EYS: variants seen among roughly 807,000 people sequenced by gnomAD.
EYS encodes the protein protein eyes shut homolog.
EYS carries 250 observed loss-of-function variants against 282.1 expected under a neutral mutation model. The observed-to-expected ratio is 0.89, with a 90% CI of 0.80 to 0.98. EYS has a LOEUF of 0.98. Among genes scored for constraint, EYS ranks in the 50% least tolerant of loss-of-function variants. The pLI is 0.00. For missense variants in EYS, 4,016 were observed against 3,709.0 expected (o/e 1.08, Z -2.15); for synonymous variants, 1,355 against 1,282.9 (o/e 1.06, Z -1.20).
At chr6:64,496,373 G>GC (rs35320379) in intron 26 of EYS, among the ~76,000 whole-genome samples, 62,799 of 151,618 alleles carry the variant, frequency 0.41, 13,538 homozygotes, top group African/African-American at 0.56. Flanking sequence ...TTAGTTGTCT[G>GC]AAATGAATAG....
chr6:65,402,514 G>A lies in EYS; in HGVS notation c.1148C>T (p.Ala383Val), dbSNP rs1424670552. ...ATCTTTCTCACATTTCTTACATGTA[G>A]CATTATTCCTCAAAGGAAATGACTC... ...SCESFPLRNN[A>V]TCKKCEKDYP... The change falls in exon 7 of 43, where the codon GCT (alanine) becomes GTT (valine). Residue 383 changes from alanine (A) to valine (V), a missense_variant. Coordinates refer to ENST00000503581, the MANE Select transcript of EYS (RefSeq NM_001142800.2). 4 of 1,533,832 alleles carry A rather than the reference G, an allele frequency of 2.6e-6. No individual in the cohort carries two copies. Among genetic ancestry groups the A allele is most frequent in the African/African-American group, 1.4e-5 (1 of 73,084 alleles).
Position 65,443,275 on chromosome 6 carries a change from CATGT to C in EYS, c.863-37912_863-37909del, listed in dbSNP as rs969013885. The stretch of plus-strand genomic sequence containing the variant: ...GTATACATATATGCAAACATATAGA[CATGT>C]ATGCATGCATATATGCATACATGTG... On this transcript the variant is annotated intron_variant, in intron 5 of 42. Coordinates refer to ENST00000503581, the MANE Select transcript of EYS (RefSeq NM_001142800.2). 1.6e-4 allele frequency among the ~76,000 whole-genome samples: 24 copies of C among 149,384 alleles called. 3 individuals carry two copies. Among genetic ancestry groups the C allele is most frequent in the African/African-American group, 5.5e-4 (22 of 40,210 alleles).
rs765765381 is a variant in EYS at position 65,334,953 on chromosome 6, T to C, written c.1766+27A>G. ...AATTATAACTTTTTGATATGTGATATTATCTGCTCAAATGATACATAAATA... is the reference window on the plus strand; with the variant it reads ...AATTATAACTTTTTGATATGTGATACTATCTGCTCAAATGATACATAAATA... On this transcript the variant is annotated intron_variant, in intron 11 of 42. Transcript: ENST00000503581. 8 of 1,588,816 alleles carry C rather than the reference T, an allele frequency of 5.0e-6. No individual in the cohort carries two copies. The South Asian group carries it at 6.6e-5, about 13-fold the overall frequency.
chr6:64,375,264 T>C (rs1219214091), intron 29 of EYS, among the ~76,000 whole-genome samples: 2 of 152,222 alleles, frequency 1.3e-5, no homozygotes, highest in Non-Finnish European at 2.9e-5. Flanking sequence ...TGACTTTTGG[T>C]ATGCAGCCTC....
intron 13 of EYS, among the ~76,000 whole-genome samples, chr6:65,024,952 C>T (rs1450226494): frequency 1.3e-5 from 2 of 152,068 alleles, no homozygotes; most frequent in Admixed American, 6.6e-5. Context: ...AATTTAGGTA[C>T]AAGCCTAAAA....
At chr6:64,292,800 C>T (rs539198747) in intron 30 of EYS, among the ~76,000 whole-genome samples, 2 of 152,060 alleles carry the variant, frequency 1.3e-5, no homozygotes, top group Admixed American at 6.6e-5. Context: ...GAAATGATAA[C>T]ATATATGCTA....
chr6:65,127,876 T>C (rs1442005272), intron 12 of EYS, among the ~76,000 whole-genome samples: 1 of 152,096 alleles, frequency 6.6e-6, no homozygotes, highest in East Asian at 1.9e-4. Flanking sequence ...TGTGCAGAAC[T>C]TTCTCTATTT....
At chr6:64,691,384 C>T (rs1007824860) in intron 22 of EYS, among the ~76,000 whole-genome samples, 1 of 152,078 alleles carries the variant, frequency 6.6e-6, no homozygotes, top group Non-Finnish European at 1.5e-5. Flanking sequence ...TTTATGGAAC[C>T]TACAGAACAG....
At chr6:65,170,379 A>G (rs912055416) in intron 12 of EYS, among the ~76,000 whole-genome samples, 1 of 151,532 alleles carries the variant, frequency 6.6e-6, no homozygotes. Context: ...TGAGGCGAAT[A>G]TATTATACTA....
chr6:64,523,663 G>T (rs1777827401), intron 26 of EYS, among the ~76,000 whole-genome samples: 1 of 151,604 alleles, frequency 6.6e-6, no homozygotes, highest in Non-Finnish European at 1.5e-5. Context: ...AGAGAGGAAT[G>T]GGTGTGATAA....
At chr6:65,375,421 G>A (rs1765325866) in intron 8 of EYS, among the ~76,000 whole-genome samples, 1 of 152,068 alleles carries the variant, frequency 6.6e-6, no homozygotes, top group Non-Finnish European at 1.5e-5. Context: ...TAAATCCATG[G>A]AGATGAGGAA....
chr6:64,439,200 A>C lies in EYS; in HGVS notation c.5797T>G (p.Phe1933Val). 6.8e-7 allele frequency: 1 copy of C among 1,479,186 alleles called. No homozygotes were observed. Among genetic ancestry groups the C allele is most frequent in the Non-Finnish European group, 9.0e-7 (1 of 1,116,172 alleles). The allele number at this position is 1,479,186 out of a possible 1,614,324, so 91.6% of individuals were successfully genotyped here. A position where few individuals can be genotyped will look rare whatever the true frequency, so the allele number is the denominator to read the frequency against. Residue 1933 changes from phenylalanine (F) to valine (V), a missense_variant, in exon 27 of 43, where the codon TTT becomes GTT. Coordinates refer to ENST00000503581, the MANE Select transcript of EYS (RefSeq NM_001142800.2). ...TTTTCAATAAACAATTGAATAAAAA[A>C]TCCATCTACTAAATTTGAGTCTTGC... ...VKQDSNLVDG[F>V]FIQLFIENGT...
intron 30 of EYS, among the ~76,000 whole-genome samples, chr6:64,285,963 C>T (rs1215893427): frequency 6.6e-6 from 1 of 152,148 alleles, no homozygotes; most frequent in Non-Finnish European, 1.5e-5. Flanking sequence ...CAGAGCCAAA[C>T]CATATCAGCT....
At chr6:65,488,023 C>T (rs968591613) in intron 5 of EYS, among the ~76,000 whole-genome samples, 2 of 151,946 alleles carry the variant, frequency 1.3e-5, no homozygotes, top group South Asian at 2.1e-4. Flanking sequence ...TGGTGATATC[C>T]CCTTTATCAT....
In EYS at chr6:65,546,499, T is replaced by A. The variant is rs538435443; in HGVS notation, c.-332-50506A>T. On this transcript the variant is annotated intron_variant, in intron 2 of 42. Transcript: ENST00000503581. ...AAATAAGTCAATTCAAATGAGAATT[T>A]GACTTACAAAGAGTTTTATTCTCCA... is the stretch of plus-strand genomic sequence containing the variant. 2.4e-3 allele frequency among the ~76,000 whole-genome samples: 358 copies of A among 152,298 alleles called. 1 individual carries two copies. The highest frequency in any genetic ancestry group is 4.0e-3 in the Non-Finnish European group (269 of 68,022).
intron 31 of EYS, among the ~76,000 whole-genome samples, chr6:64,182,509 AGTT>A (rs1447066916): frequency 1.3e-5 from 2 of 151,964 alleles, no homozygotes; most frequent in African/African-American, 4.8e-5. Context: ...TTTCATATCA[AGTT>A]GTTGTTTCTA....
At chr6:65,132,606 C>T (rs1325036766) in intron 12 of EYS, among the ~76,000 whole-genome samples, 1 of 151,978 alleles carries the variant, frequency 6.6e-6, no homozygotes, top group Non-Finnish European at 1.5e-5. Context: ...CAGCATCATA[C>T]TAAATGGACA....
intron 24 of EYS, among the ~76,000 whole-genome samples, chr6:64,611,005 T>C (rs982762031): frequency 6.6e-6 from 1 of 152,200 alleles, no homozygotes; most frequent in Non-Finnish European, 1.5e-5. Context: ...TTGCTGCCCA[T>C]AAACAAATTA....
intron 31 of EYS, among the ~76,000 whole-genome samples, chr6:64,226,659 G>A (rs555735068): frequency 1.3e-5 from 2 of 152,130 alleles, no homozygotes; most frequent in South Asian, 4.1e-4. Flanking sequence ...TGATAAAGTA[G>A]GCAACAAGGT....
Sources: allele counts gnomAD v4.1 joint callset (sites outside exome capture counted in the v4.1 genomes callset), GRCh38; gene constraint gnomAD v4.1.1; transcripts MANE v1.5; gene names NCBI Gene and HGNC (gene_info 2026-07-23, HGNC 2026-07-21).